SFXN4: variants seen among roughly 807,000 people sequenced by gnomAD.
SFXN4 encodes sideroflexin-4.
Under a neutral mutation model 54.6 loss-of-function variants are expected in SFXN4, and 48 were observed. The ratio of observed to expected loss-of-function variants is 0.88; its 90% CI spans 0.70 to 1.12. SFXN4 has a LOEUF of 1.12. Among genes scored for constraint, SFXN4 ranks in the 50% most tolerant of loss-of-function variants. The probability of loss-of-function intolerance (pLI) is 0.00; values close to 1 mark genes in which losing one functional copy is unlikely to be tolerated. For missense variants in SFXN4, 383 were observed against 409.2 expected, an observed-to-expected ratio of 0.94 and a Z score of 0.55; for synonymous variants, 130 against 145.5, an observed-to-expected ratio of 0.89 and a Z score of 0.77.
intron 11 of SFXN4, among the ~76,000 whole-genome samples, chr10:119,152,984 A>C (rs1402659379): frequency 6.6e-6 from 1 of 152,148 alleles, no homozygotes; most frequent in Non-Finnish European, 1.5e-5. Flanking sequence ...AAGTCATTTC[A>C]CAGGGACCAA....
chr10:119,149,060 G>A (rs989452901), intron 11 of SFXN4, among the ~76,000 whole-genome samples: 1 of 151,896 alleles, frequency 6.6e-6, no homozygotes, highest in African/African-American at 2.4e-5. Flanking sequence ...CTAACTTTTC[G>A]ATTTTTTGTA....
At chr10:119,164,498 G>A (rs1020572409) in intron 1 of SFXN4, among the ~76,000 whole-genome samples, 8 of 152,246 alleles carry the variant, frequency 5.3e-5, no homozygotes, top group African/African-American at 1.9e-4. Flanking sequence ...GACTTTGGGG[G>A]TTCAAATGGT....
At chr10:119,145,039 A>G (rs1233558974) in intron 13 of SFXN4, among the ~76,000 whole-genome samples, 1 of 152,202 alleles carries the variant, frequency 6.6e-6, no homozygotes, top group Admixed American at 6.5e-5. Flanking sequence ...TATTGTTAAG[A>G]AAAACAGAAC....
At position 119,164,623 on chromosome 10, in the gene SFXN4, C is replaced by G. The variant is rs546487087; in HGVS notation, c.112-427G>C. ...TCACTCCAGTGACAAAGGATGGACG[C>G]CCCATTAAGGGCTCAATGGTGCAGC... On this transcript the variant is annotated intron_variant, in intron 1 of 13. Transcript: ENST00000355697. Among the ~76,000 whole-genome samples, 35 of 152,232 alleles carry G rather than the reference C, an allele frequency of 2.3e-4. No homozygotes were observed. The South Asian group carries it at 7.3e-3, about 32-fold the overall frequency.
chr10:119,141,344 G>C, intron 13 of SFXN4, 25 bp from the exon 14 acceptor site: 1 of 1,425,720 alleles, frequency 7.0e-7, no homozygotes, highest in Non-Finnish European at 9.7e-7. Context: ...AATTCATAAT[G>C]TTTCTATTAA....
Position 119,141,278 on chromosome 10 carries a change from T to C in SFXN4, c.978A>G (p.Thr326=). 6.2e-7 allele frequency: 1 copy of C among 1,612,112 alleles called. No individual in the cohort carries two copies. The highest frequency in any genetic ancestry group is 8.5e-7 in the Non-Finnish European group (1 of 1,178,232). The change falls in exon 14 of 14, where the codon ACA becomes ACG. Residue 326 remains threonine (T), a synonymous_variant. Transcript: ENST00000355697. ...CSLEEKIQSP[T]EETEIFYHRG... ...TGTGATAAAAGATTTCTGTTTCTTC[T>C]GTTGGAGACTGAATTTTCTCTTCAA... is the stretch of plus-strand genomic sequence containing the variant.
intron 12 of SFXN4, among the ~76,000 whole-genome samples, chr10:119,147,566 G>A (rs1485720047): frequency 6.6e-6 from 1 of 152,160 alleles, no homozygotes; most frequent in East Asian, 1.9e-4. Context: ...TGGAGGCAGA[G>A]CCTGGGCTGG....
rs144574285 is a variant in SFXN4, at chr10:119,149,503, A to G, written c.733-1643T>C. Among the ~76,000 whole-genome samples the G allele has an allele frequency of 8.5e-3, 1,295 of 152,166 alleles. 48 individuals carry two copies. In the East Asian group the frequency reaches 0.086, roughly 10 times the overall value. ...GGTGGCTCATGCTTATAATCCCAACACTTTGGGAGGCCAAGGTGGGCAGAT... is the reference window on the plus strand; with the variant it reads ...GGTGGCTCATGCTTATAATCCCAACGCTTTGGGAGGCCAAGGTGGGCAGAT... On this transcript the variant is annotated intron_variant, in intron 11 of 13. Transcript: ENST00000355697.
chr10:119,162,995 G>A (rs1257189744), intron 2 of SFXN4, among the ~76,000 whole-genome samples: 2 of 151,904 alleles, frequency 1.3e-5, no homozygotes, highest in African/African-American at 4.8e-5. Flanking sequence ...ATAGGGTCTC[G>A]CTACATTGCC....
intron 6 of SFXN4, 27 bp downstream of exon 6, chr10:119,159,701 C>T: frequency 1.2e-6 from 2 of 1,613,490 alleles, no homozygotes; most frequent in Non-Finnish European, 1.7e-6. Flanking sequence ...CCCCTAGTCT[C>T]CTAACGGCAA....
At chr10:119,142,468 C>G (rs1301863495) in intron 13 of SFXN4, among the ~76,000 whole-genome samples, 1 of 151,630 alleles carries the variant, frequency 6.6e-6, no homozygotes, top group Non-Finnish European at 1.5e-5. Context: ...CATTGTCACA[C>G]CTAACAAAAT....
intron 1 of SFXN4, 116 bp from the exon 2 acceptor site, chr10:119,164,312 C>A: frequency 3.3e-6 from 2 of 605,682 alleles, no homozygotes; most frequent in Admixed American, 3.6e-5. Context: ...CTGTGATCTG[C>A]CTTTTACTGG....
intron 11 of SFXN4, among the ~76,000 whole-genome samples, chr10:119,151,893 C>T (rs11198805): frequency 0.18 from 26,845 of 152,048 alleles, 2,679 homozygotes; most frequent in African/African-American, 0.24. Context: ...TAGCTCGCTG[C>T]AGCCTCAACC....
chr10:119,165,709 A>AGCCCCGCCCCGGGCCGCGC lies in SFXN4; in HGVS notation c.-63_-62insGCGCGGCCCGGGGCGGGGC, dbSNP rs1847744486. On this transcript the variant is annotated 5_prime_UTR_variant, in exon 1 of 14. Transcript: ENST00000355697. ...CGCGTGGAGGAGGAGCCGGGCGGCG[A>AGCCCCGCCCCGGGCCGCGC]GCCCCGCCCCGGGCCGCGCGCACCC... 5.3e-5 allele frequency: 68 copies of AGCCCCGCCCCGGGCCGCGC among 1,290,376 alleles called. No individual in the cohort carries two copies. The highest frequency in any genetic ancestry group is 6.7e-5 in the Non-Finnish European group (67 of 995,908). The allele number at this position is 1,290,376 out of a possible 1,614,324, so 79.9% of individuals were successfully genotyped here. A position where few individuals can be genotyped will look rare whatever the true frequency, so the allele number is the denominator to read the frequency against.
At chr10:119,142,560 TTTTTA>T (rs1846578853) in intron 13 of SFXN4, among the ~76,000 whole-genome samples, 1 of 146,148 alleles carries the variant, frequency 6.8e-6, no homozygotes, top group Non-Finnish European at 1.5e-5. Context: ...TTTTTTTTTT[TTTTTA>T]AATGAGATGG....
chr10:119,161,040 G>T lies in SFXN4; in HGVS notation c.279+15C>A. On this transcript the variant is annotated intron_variant, in intron 4 of 13. Transcript: ENST00000355697. ...ATTATAGGACACTAAAAATTAGGAA[G>T]GGGCTGAAACTTACAAGACTCCGCT... 6.2e-7 allele frequency: 1 copy of T among 1,614,112 alleles called. No individual in the cohort carries two copies. The highest frequency in any genetic ancestry group is 8.5e-7 in the Non-Finnish European group (1 of 1,179,984).
At chr10:119,160,056 G>C (rs1310986245) in intron 5 of SFXN4, among the ~76,000 whole-genome samples, 1 of 152,082 alleles carries the variant, frequency 6.6e-6, no homozygotes, top group East Asian at 1.9e-4. Context: ...GCATGACCCT[G>C]TAGTCCCAGC....
At chr10:119,150,855 C>G (rs1395040756) in intron 11 of SFXN4, among the ~76,000 whole-genome samples, 3 of 152,256 alleles carry the variant, frequency 2.0e-5, no homozygotes, top group South Asian at 4.1e-4. Context: ...CATAATAACC[C>G]AAGCCTGGAC....
At chr10:119,142,909 T>C (rs893261753) in intron 13 of SFXN4, among the ~76,000 whole-genome samples, 1 of 151,716 alleles carries the variant, frequency 6.6e-6, no homozygotes, top group African/African-American at 2.4e-5. Flanking sequence ...TTTTTTTGTA[T>C]TTTTAGTAGA....
Sources: allele counts gnomAD v4.1 joint callset (sites outside exome capture counted in the v4.1 genomes callset), GRCh38; gene constraint gnomAD v4.1.1; transcripts MANE v1.5; gene names NCBI Gene and HGNC (gene_info 2026-07-23, HGNC 2026-07-21).